TENM3: variants seen among roughly 807,000 people sequenced by gnomAD.
TENM3 encodes the protein teneurin transmembrane protein 3, also known as teneurin-3.
A neutral mutation model predicts 255.1 loss-of-function variants in TENM3; 63 were observed. The ratio of observed to expected loss-of-function variants is 0.25; its 90% CI spans 0.20 to 0.30. TENM3 has a LOEUF of 0.30. Among genes scored for constraint, TENM3 ranks in the 10% least tolerant of loss-of-function variants. TENM3 has a pLI of 1.00. For synonymous variants in TENM3, 1,306 were observed against 1,322.3 expected (o/e 0.99, Z 0.27); for missense variants, 2,929 against 3,461.1 (o/e 0.85, Z 3.86).
At chr4:182,035,977 C>A in the TENM3 span, among the ~76,000 whole-genome samples, 1 of 152,158 alleles carries the variant, frequency 6.6e-6, no homozygotes, top group Non-Finnish European at 1.5e-5. Flanking sequence ...ATTCTCCCTT[C>A]TATCACGGGG....
At chr4:181,961,230 G>T in the TENM3 span, among the ~76,000 whole-genome samples, 4 of 152,168 alleles carry the variant, frequency 2.6e-5, no homozygotes, top group African/African-American at 4.8e-5. Flanking sequence ...AGGAGAAAAG[G>T]TCAAGCACCA....
At chr4:181,933,199 C>T in the TENM3 span, among the ~76,000 whole-genome samples, 11 of 152,160 alleles carry the variant, frequency 7.2e-5, no homozygotes, top group African/African-American at 2.6e-4. Context: ...ACTGCATGAA[C>T]GTTTCTGAAG....
At chr4:181,647,099 A>T in the TENM3 span, among the ~76,000 whole-genome samples, 18 of 152,336 alleles carry the variant, frequency 1.2e-4, no homozygotes, top group East Asian at 3.3e-3. Context: ...AAGTAACAAT[A>T]TTTGCTGATC....
the TENM3 span, among the ~76,000 whole-genome samples, chr4:181,653,636 T>C: frequency 6.6e-6 from 1 of 151,412 alleles, no homozygotes; most frequent in Non-Finnish European, 1.5e-5. Context: ...CTTGACCTCG[T>C]GATCTGCCCG....
chr4:182,136,404 TTG>T, the TENM3 span, among the ~76,000 whole-genome samples: 10 of 152,134 alleles, frequency 6.6e-5, no homozygotes, highest in Non-Finnish European at 5.9e-5. Context: ...CTACACATTT[TTG>T]TGTATAGATG....
the TENM3 span, among the ~76,000 whole-genome samples, chr4:181,727,445 G>C: frequency 6.6e-6 from 1 of 152,206 alleles, no homozygotes; most frequent in South Asian, 2.1e-4. Context: ...GAATACAAGG[G>C]TCCCAGGAGC....
rs539452467 is a variant in TENM3 at position 182,525,325 on chromosome 4, C to T, written c.512-75599C>T. On this transcript the variant is annotated intron_variant, in intron 3 of 27. Coordinates refer to ENST00000511685, the MANE Select transcript of TENM3 (RefSeq NM_001080477.4). The stretch of plus-strand genomic sequence containing the variant: ...AGCTATAGCAGCTGCTGGTTGCAGA[C>T]ATAAATTTAATCCTCACAGCCATGC... Among the ~76,000 whole-genome samples, 309 of 152,336 alleles carry T rather than the reference C, an allele frequency of 2.0e-3. 2 individuals are homozygous for T. Among genetic ancestry groups the T allele is most frequent in the Non-Finnish European group, 2.4e-3 (165 of 68,026 alleles).
the TENM3 span, among the ~76,000 whole-genome samples, chr4:181,948,756 T>G: frequency 9.9e-5 from 15 of 152,140 alleles, no homozygotes; most frequent in Non-Finnish European, 7.3e-5. Flanking sequence ...AACTAGATTC[T>G]CTGGTGGCTG....
chr4:181,467,193 G>T, the TENM3 span, among the ~76,000 whole-genome samples: 135 of 139,312 alleles, frequency 9.7e-4, 1 homozygote, highest in African/African-American at 3.5e-3. Context: ...ACAATGGCAC[G>T]ATCTTGGCTC....
intron 24 of TENM3, among the ~76,000 whole-genome samples, chr4:182,786,040 A>G (rs1364178033): frequency 6.6e-6 from 1 of 152,246 alleles, no homozygotes; most frequent in Non-Finnish European, 1.5e-5. Context: ...GGGAAAAAAC[A>G]TAGCCACATT....
rs748069848 is a variant in TENM3 at position 182,793,092 on chromosome 4, A to G, written c.6420A>G (p.Thr2140=). ...YEYDVDGQLQ[T]VYLNEKIMWR... is the part of the protein sequence containing the mutation. ...ATGATGTTGATGGACAGCTCCAAAC[A>G]GTTTACCTCAATGAAAAGATAATGT... is the stretch of plus-strand genomic sequence containing the variant. Residue 2140 remains threonine (T), a synonymous_variant, in exon 26 of 28, where the codon ACA becomes ACG. Coordinates refer to ENST00000511685, the MANE Select transcript of TENM3 (RefSeq NM_001080477.4). This position sits in a 1 kb window ranked among gnomAD's most constrained non-coding sequence, Gnocchi z 5.7. 1 of 1,614,012 alleles carries G rather than the reference A, an allele frequency of 6.2e-7. No homozygotes were observed. Among genetic ancestry groups the G allele is most frequent in the South Asian group, 1.1e-5 (1 of 91,082 alleles).
At chr4:182,592,833 G>T (rs1006985681) in intron 3 of TENM3, among the ~76,000 whole-genome samples, 1 of 152,192 alleles carries the variant, frequency 6.6e-6, no homozygotes, top group Non-Finnish European at 1.5e-5. Flanking sequence ...TGTTTGAGAC[G>T]AGAGAAAGTA....
chr4:182,691,216 T>C (rs369799412), intron 12 of TENM3, among the ~76,000 whole-genome samples: 1 of 152,376 alleles, frequency 6.6e-6, no homozygotes, highest in Admixed American at 6.5e-5. Flanking sequence ...GGATGGTTAC[T>C]GTTCTTGCAT....
At chr4:182,572,442 C>G (rs992742498) in intron 3 of TENM3, among the ~76,000 whole-genome samples, 1 of 152,184 alleles carries the variant, frequency 6.6e-6, no homozygotes, top group African/African-American at 2.4e-5. Context: ...TTTACTGAGT[C>G]ACTTACTTCA....
the TENM3 span, among the ~76,000 whole-genome samples, chr4:181,562,850 T>C: frequency 1.3e-5 from 2 of 152,114 alleles, no homozygotes; most frequent in Non-Finnish European, 2.9e-5. Flanking sequence ...AATTTTGGTA[T>C]TTTTAGTATA....
the TENM3 span, among the ~76,000 whole-genome samples, chr4:182,071,456 T>C: frequency 1.3e-5 from 2 of 151,270 alleles, no homozygotes; most frequent in African/African-American, 4.9e-5. Flanking sequence ...TTTCTTTTTT[T>C]TTTTTTTGAG....
chr4:182,386,956 A>G (rs1273287813), intron 3 of TENM3, among the ~76,000 whole-genome samples: 1 of 152,246 alleles, frequency 6.6e-6, no homozygotes, highest in African/African-American at 2.4e-5. Flanking sequence ...CGGGGCTGGC[A>G]GGCAGCTCCA....
At chr4:182,500,953 A>G (rs1277105182) in intron 3 of TENM3, among the ~76,000 whole-genome samples, 1 of 151,692 alleles carries the variant, frequency 6.6e-6, no homozygotes, top group Non-Finnish European at 1.5e-5. Context: ...AAAAAGTACA[A>G]CCTAATATTT....
chr4:182,420,508 A>G (rs1770750143), intron 3 of TENM3, among the ~76,000 whole-genome samples: 1 of 152,238 alleles, frequency 6.6e-6, no homozygotes, highest in African/African-American at 2.4e-5. Flanking sequence ...GTGAAATGAC[A>G]AGTTTTGTCA....
Sources: allele counts gnomAD v4.1 joint callset (sites outside exome capture counted in the v4.1 genomes callset), GRCh38; gene constraint gnomAD v4.1.1; non-coding constraint Gnocchi (gnomAD v3.1); transcripts MANE v1.5; gene names NCBI Gene and HGNC (gene_info 2026-07-23, HGNC 2026-07-21).